The following DISC1 variants were observed in gnomAD, a reference collection of about 807,000 sequenced individuals.
DISC1 encodes the protein disrupted in schizophrenia 1 protein.
Under a neutral mutation model 84.5 loss-of-function variants are expected in DISC1, and 57 were observed. The ratio of observed to expected loss-of-function variants is 0.67; its 90% CI spans 0.55 to 0.84. DISC1 has a LOEUF of 0.84. DISC1 is among the 40% of genes least tolerant of loss of function. The pLI, the probability that DISC1 is intolerant of heterozygous loss-of-function variation, is 0.00. For synonymous variants in DISC1, 411 were observed against 415.2 expected, an observed-to-expected ratio of 0.99 and a Z score of 0.12; for missense variants, 1,000 against 1,057.8, an observed-to-expected ratio of 0.95 and a Z score of 0.76.
Position 231,769,782 on chromosome 1 carries a change from T to C in DISC1, c.1399-1053T>C, listed in dbSNP as rs148079235. 3.1e-3 allele frequency among the ~76,000 whole-genome samples: 479 copies of C among 152,296 alleles called. 3 individuals are homozygous for C. The highest frequency in any genetic ancestry group is 0.024 in the Middle Eastern group (7 of 294). On this transcript the variant is annotated intron_variant, in intron 5 of 12. Transcript: ENST00000439617. ...TGGTGAATTTTATGCTATGTGTGTT[T>C]TACCAGTTAAAAAACTAAAAGAAAA...
intron 9 of DISC1, chr1:231,940,835 A>G (rs2091285377): frequency 6.6e-6 from 1 of 152,268 alleles, no homozygotes; most frequent in South Asian, 2.1e-4. Flanking sequence ...TTGCTGCTCC[A>G]TGACGTTCTT....
intron 9 of DISC1, among the ~76,000 whole-genome samples, chr1:231,841,603 CT>C (rs2083075520): frequency 6.6e-6 from 1 of 152,212 alleles, no homozygotes; most frequent in Admixed American, 6.5e-5. Flanking sequence ...TTTCTGACCT[CT>C]TAACTTGTAC....
At chr1:231,958,044 T>G (rs1171517369) in intron 9 of DISC1, among the ~76,000 whole-genome samples, 2 of 152,232 alleles carry the variant, frequency 1.3e-5, no homozygotes, top group Non-Finnish European at 2.9e-5. Context: ...GGCAGCACCA[T>G]TGATAATTCC....
chr1:231,900,581 T>G (rs1001353958), intron 9 of DISC1, among the ~76,000 whole-genome samples: 2 of 152,222 alleles, frequency 1.3e-5, no homozygotes, highest in African/African-American at 4.8e-5. Flanking sequence ...ACCGTTATAT[T>G]CGGTATAAGG....
At chr1:231,833,718 G>A (rs1286620158) in intron 9 of DISC1, among the ~76,000 whole-genome samples, 3 of 152,188 alleles carry the variant, frequency 2.0e-5, no homozygotes, top group Admixed American at 2.0e-4. Flanking sequence ...TGGTCACTGC[G>A]GTTTAGGCAT....
At chr1:231,702,624 T>C in intron 3 of DISC1, 1 of 983,598 alleles carries the variant, frequency 1.0e-6, no homozygotes, top group Non-Finnish European at 1.2e-6. Context: ...GGGACTGATC[T>C]GAGGCCAGGA....
intron 9 of DISC1, among the ~76,000 whole-genome samples, chr1:231,894,503 C>T (rs2087520840): frequency 1.3e-5 from 2 of 151,574 alleles, no homozygotes; most frequent in Non-Finnish European, 2.9e-5. Flanking sequence ...TTATCTTTTC[C>T]TTCTTTTTTT....
intron 1 of DISC1, among the ~76,000 whole-genome samples, chr1:231,649,025 A>AT (rs548295538): frequency 0.019 from 2,901 of 152,086 alleles, 85 homozygotes; most frequent in African/African-American, 0.066. Context: ...GGATTCATTG[A>AT]TTTTTTGAAG....
chr1:231,913,460 G>A (rs945461329), intron 9 of DISC1, among the ~76,000 whole-genome samples: 1 of 152,188 alleles, frequency 6.6e-6, no homozygotes, highest in Non-Finnish European at 1.5e-5. Flanking sequence ...CTTTCCTTCT[G>A]TACATTTCCT....
chr1:231,816,393 T>G (rs997585395), intron 8 of DISC1, among the ~76,000 whole-genome samples: 1 of 152,242 alleles, frequency 6.6e-6, no homozygotes, highest in African/African-American at 2.4e-5. Context: ...TCTCATTTTT[T>G]AGTTGTGTCT....
At chr1:231,728,833 T>C (rs2071115026) in intron 3 of DISC1, among the ~76,000 whole-genome samples, 1 of 152,086 alleles carries the variant, frequency 6.6e-6, no homozygotes, top group Non-Finnish European at 1.5e-5. Context: ...TTAGTATTTA[T>C]AGAGGCATAT....
At chr1:232,000,363 A>C (rs1666531125) in intron 10 of DISC1, among the ~76,000 whole-genome samples, 2 of 152,248 alleles carry the variant, frequency 1.3e-5, no homozygotes, top group African/African-American at 4.8e-5. Flanking sequence ...GAATAGATTC[A>C]GTGAAATTGA....
intron 9 of DISC1, among the ~76,000 whole-genome samples, chr1:231,947,931 T>C (rs541187237): frequency 4.6e-5 from 7 of 152,222 alleles, no homozygotes; most frequent in South Asian, 4.2e-4. Flanking sequence ...CCAGTTAGAA[T>C]TGCGATCATT....
chr1:231,734,503 G>GCA (rs1283118289), intron 3 of DISC1, among the ~76,000 whole-genome samples: 16 of 150,574 alleles, frequency 1.1e-4, no homozygotes, highest in Non-Finnish European at 1.6e-4. Context: ...TCTCTCTCAC[G>GCA]CACACACACA....
At chr1:231,978,261 G>A (rs1400751200) in intron 10 of DISC1, among the ~76,000 whole-genome samples, 1 of 152,102 alleles carries the variant, frequency 6.6e-6, no homozygotes, top group Non-Finnish European at 1.5e-5. Context: ...CTGAGTTGAG[G>A]TGTTGAGCAC....
chr1:231,920,512 T>C (rs1233209989), intron 9 of DISC1, among the ~76,000 whole-genome samples: 2 of 152,226 alleles, frequency 1.3e-5, no homozygotes, highest in Non-Finnish European at 2.9e-5. Flanking sequence ...AGTAGAATCA[T>C]ACAGTATTTG....
chr1:231,892,443 G>A (rs1177589636), intron 9 of DISC1, among the ~76,000 whole-genome samples: 1 of 152,146 alleles, frequency 6.6e-6, no homozygotes, highest in Non-Finnish European at 1.5e-5. Flanking sequence ...TGAGTAAACT[G>A]CTGAACCCTG....
intron 10 of DISC1, among the ~76,000 whole-genome samples, chr1:231,995,282 T>C (rs1470879030): frequency 6.6e-6 from 1 of 152,220 alleles, no homozygotes; most frequent in African/African-American, 2.4e-5. Context: ...ATATCAGATA[T>C]TTTACACCAT....
chr1:231,672,047 C>T (rs571435004), intron 1 of DISC1, among the ~76,000 whole-genome samples: 1 of 152,232 alleles, frequency 6.6e-6, no homozygotes, highest in South Asian at 2.1e-4. Context: ...CCAGAGGTTG[C>T]CTGATTTGTT....
Sources: gnomAD v4.1 joint callset for allele counts (sites outside exome capture counted in the v4.1 genomes callset) on GRCh38, gnomAD v4.1.1 for gene constraint, MANE v1.5 for transcripts, NCBI Gene and HGNC (gene_info 2026-07-23, HGNC 2026-07-21) for gene names.